Variants in RFT1 observed in about 807,000 individuals in gnomAD.
RFT1 encodes the protein RFT1 glycolipid translocator homolog.
In RFT1, 43 loss-of-function variants were observed where a neutral mutation model predicts 62.2. The ratio of observed to expected loss-of-function variants is 0.69; its 90% CI spans 0.54 to 0.89. RFT1 has a LOEUF of 0.89. RFT1 is among the 40% of genes least tolerant of loss of function. RFT1 has a pLI of 0.00. For missense variants in RFT1, 605 were observed against 649.9 expected (o/e 0.93, Z 0.75); for synonymous variants, 262 against 264.6 (o/e 0.99, Z 0.10).
the RFT1 span, among the ~76,000 whole-genome samples, chr3:53,082,180 TAGAG>T: frequency 6.6e-6 from 1 of 152,134 alleles, no homozygotes; most frequent in East Asian, 1.9e-4. Context: ...TGGGCTCTAA[TAGAG>T]GGAGGAACTT....
chr3:53,086,987 C>A (rs2107054416), downstream of RFT1, among the ~76,000 whole-genome samples: 1 of 152,276 alleles, frequency 6.6e-6, no homozygotes, highest in Middle Eastern at 3.4e-3. Context: ...CCTGTAATCC[C>A]AGCACTTTGG....
intron 10 of RFT1, among the ~76,000 whole-genome samples, chr3:53,101,355 A>G (rs556093078): frequency 2.0e-5 from 3 of 152,090 alleles, no homozygotes; most frequent in Admixed American, 6.5e-5. Flanking sequence ...GCTTCTCCCC[A>G]ACCTCCTCTC....
the RFT1 span, among the ~76,000 whole-genome samples, chr3:53,070,164 C>T: frequency 6.6e-6 from 1 of 152,064 alleles, no homozygotes; most frequent in East Asian, 1.9e-4. Flanking sequence ...GCCTGAAAAT[C>T]TAAAACTCTG....
chr3:53,119,778 A>G (rs1296704861), intron 6 of RFT1, 106 bp downstream of exon 6: 4 of 1,110,638 alleles, frequency 3.6e-6, no homozygotes, highest in East Asian at 4.8e-5. Context: ...TATGAGCTAT[A>G]AAATTCTATT....
the RFT1 span, among the ~76,000 whole-genome samples, chr3:53,070,652 C>T: frequency 5.3e-5 from 8 of 150,956 alleles, no homozygotes; most frequent in Non-Finnish European, 8.9e-5. Flanking sequence ...ATCCACCTGC[C>T]TCAGCCTCCC....
chr3:53,125,548 TTC>T (rs1242008160), intron 2 of RFT1, among the ~76,000 whole-genome samples: 2 of 152,234 alleles, frequency 1.3e-5, no homozygotes, highest in African/African-American at 4.8e-5. Context: ...ACTACTGAAT[TTC>T]TGTTTCCTTT....
At chr3:53,094,836 G>A (rs970438592) in intron 11 of RFT1, among the ~76,000 whole-genome samples, 5 of 152,014 alleles carry the variant, frequency 3.3e-5, no homozygotes, top group Non-Finnish European at 7.3e-5. Flanking sequence ...CATCTGAGAG[G>A]AGCTGATGAT....
chr3:53,121,962 G>A (rs1701982147), intron 4 of RFT1, among the ~76,000 whole-genome samples, 162 bp from the exon 5 acceptor site: 1 of 152,088 alleles, frequency 6.6e-6, no homozygotes, highest in African/African-American at 2.4e-5. Flanking sequence ...TGGGTAGGGT[G>A]GTGGGTTCAT....
chr3:53,072,412 T>C, the RFT1 span, among the ~76,000 whole-genome samples: 1 of 152,176 alleles, frequency 6.6e-6, no homozygotes, highest in Non-Finnish European at 1.5e-5. Flanking sequence ...CTGGGCGTGC[T>C]TGGCTGATGG....
At chr3:53,105,987 C>T (rs575983052) in intron 8 of RFT1, among the ~76,000 whole-genome samples, 184 bp from the exon 9 acceptor site, 1 of 152,172 alleles carries the variant, frequency 6.6e-6, no homozygotes, top group Non-Finnish European at 1.5e-5. Context: ...AATCCCAGCA[C>T]TTTGGGAGGC....
At chr3:53,079,274 C>T in the RFT1 span, among the ~76,000 whole-genome samples, 1 of 152,130 alleles carries the variant, frequency 6.6e-6, no homozygotes, top group Non-Finnish European at 1.5e-5. Flanking sequence ...CTGATGGATC[C>T]CCACTACTCA....
intron 7 of RFT1, among the ~76,000 whole-genome samples, chr3:53,109,568 G>C (rs113932149): frequency 0.051 from 7,726 of 152,234 alleles, 681 homozygotes; most frequent in African/African-American, 0.18. Flanking sequence ...CCAGCACTTT[G>C]GGAGGCCGAG....
At chr3:53,086,483 T>G (rs1700857516), downstream of RFT1, among the ~76,000 whole-genome samples, 2 of 152,034 alleles carry the variant, frequency 1.3e-5, no homozygotes, top group African/African-American at 2.4e-5. Flanking sequence ...GCCCGGCTAA[T>G]TTTTGCATTT....
intron 11 of RFT1, among the ~76,000 whole-genome samples, chr3:53,096,113 C>T (rs958229953): frequency 2.0e-5 from 3 of 152,166 alleles, no homozygotes; most frequent in African/African-American, 4.8e-5. Context: ...ACTATATACC[C>T]GTTTTCATTC....
At chr3:53,111,170 C>G (rs369489740) in intron 7 of RFT1, among the ~76,000 whole-genome samples, 2 of 152,018 alleles carry the variant, frequency 1.3e-5, no homozygotes, top group East Asian at 1.9e-4. Context: ...TCCCAGCACT[C>G]TGAGGCAGGC....
intron 11 of RFT1, among the ~76,000 whole-genome samples, chr3:53,096,607 T>C (rs1043714866): frequency 2.0e-5 from 3 of 151,774 alleles, no homozygotes; most frequent in Non-Finnish European, 4.4e-5. Context: ...CACTTGAACC[T>C]GGGAGGCGGA....
chr3:53,083,200 CAAAAAAAAAA>C, the RFT1 span, among the ~76,000 whole-genome samples: 198 of 39,404 alleles, frequency 5.0e-3, 3 homozygotes, highest in Non-Finnish European at 6.3e-3. Flanking sequence ...GATTCCATCT[CAAAAAAAAAA>C]AAAAAAAAAA....
chr3:53,123,577 C>T (rs1467459459), intron 3 of RFT1, 147 bp downstream of exon 3: 13 of 693,566 alleles, frequency 1.9e-5, no homozygotes, highest in South Asian at 1.0e-4. Context: ...AAACACTGTC[C>T]CCGTCTTGTT....
At chr3:53,119,755 A>T (rs1701912996) in intron 6 of RFT1, 129 bp downstream of exon 6, 3 of 905,250 alleles carry the variant, frequency 3.3e-6, no homozygotes, top group Non-Finnish European at 5.0e-6. Context: ...GCATAGAGCA[A>T]GCACTCCATA....
Sources: allele counts gnomAD v4.1 joint callset (sites outside exome capture counted in the v4.1 genomes callset), GRCh38; gene constraint gnomAD v4.1.1; transcripts MANE v1.5; gene names NCBI Gene and HGNC (gene_info 2026-07-23, HGNC 2026-07-21).